PTPRD: variants seen among roughly 807,000 people sequenced by gnomAD.
The protein encoded by PTPRD is receptor-type tyrosine-protein phosphatase delta.
In PTPRD, 34 loss-of-function variants were observed where a neutral mutation model predicts 214.5. The observed-to-expected ratio is 0.16, with a 90% confidence interval of 0.12 to 0.21. The LOEUF (loss-of-function observed/expected upper bound fraction) is 0.21. PTPRD is among the 10% of genes least tolerant of loss of function. PTPRD has a pLI of 1.00. For synonymous variants in PTPRD, 1,128 were observed against 845.7 expected (o/e 1.33, Z -5.79); for missense variants, 2,545 against 2,398.7 (o/e 1.06, Z -1.27).
intron 12 of PTPRD, among the ~76,000 whole-genome samples, chr9:8,646,359 A>G (rs2096690987): frequency 6.6e-6 from 1 of 152,220 alleles, no homozygotes; most frequent in Non-Finnish European, 1.5e-5. Flanking sequence ...TTTCCGCTCA[A>G]AAAATAATAA....
chr9:10,601,470 C>A (rs185594191), intron 2 of PTPRD, among the ~76,000 whole-genome samples: 96 of 151,766 alleles, frequency 6.3e-4, no homozygotes, highest in Non-Finnish European at 1.8e-4. Context: ...AGCTAAATAA[C>A]TGGACTTACT....
chr9:10,378,269 C>A (rs1448978433), intron 2 of PTPRD, among the ~76,000 whole-genome samples: 1 of 151,902 alleles, frequency 6.6e-6, no homozygotes. Context: ...TGGGTTGTCT[C>A]TTTACTTTGT....
At chr9:9,123,093 T>C (rs1374256295) in intron 10 of PTPRD, among the ~76,000 whole-genome samples, 1 of 152,198 alleles carries the variant, frequency 6.6e-6, no homozygotes, top group East Asian at 1.9e-4. Flanking sequence ...GCAGGACTGC[T>C]CTGTTTGTGC....
At chr9:9,316,069 A>T (rs1962854315) in intron 9 of PTPRD, among the ~76,000 whole-genome samples, 1 of 151,968 alleles carries the variant, frequency 6.6e-6, no homozygotes, top group South Asian at 2.1e-4. Context: ...ATAGAATCCT[A>T]AAGAAAACTC....
chr9:8,524,021 C>T (rs573178248), intron 18 of PTPRD, among the ~76,000 whole-genome samples: 8 of 152,032 alleles, frequency 5.3e-5, no homozygotes, highest in African/African-American at 1.9e-4. Flanking sequence ...CCACCCCCAC[C>T]CATGCCTTTG....
intron 9 of PTPRD, among the ~76,000 whole-genome samples, chr9:9,187,155 T>A (rs1315018690): frequency 6.6e-6 from 1 of 151,966 alleles, no homozygotes; most frequent in Non-Finnish European, 1.5e-5. Flanking sequence ...TTCTAAATCA[T>A]CCCTCAAAAT....
chr9:8,746,564 A>G (rs1470056648), intron 11 of PTPRD, among the ~76,000 whole-genome samples: 1 of 152,250 alleles, frequency 6.6e-6, no homozygotes, highest in Non-Finnish European at 1.5e-5. Flanking sequence ...GGGAGTTTAA[A>G]GTCATTAAAA....
At chr9:9,848,526 G>A (rs1056518809) in intron 5 of PTPRD, among the ~76,000 whole-genome samples, 6 of 152,088 alleles carry the variant, frequency 3.9e-5, no homozygotes, top group Admixed American at 2.0e-4. Flanking sequence ...TGAGAAGACT[G>A]AGACTTTAAG....
At chr9:8,818,406 T>C (rs1230270486) in intron 11 of PTPRD, among the ~76,000 whole-genome samples, 2 of 152,314 alleles carry the variant, frequency 1.3e-5, no homozygotes, top group Admixed American at 6.5e-5. Flanking sequence ...CCTTTAACAA[T>C]AATAATAGTA....
At chr9:9,801,401 T>A (rs1018608445) in intron 5 of PTPRD, among the ~76,000 whole-genome samples, 2 of 152,000 alleles carry the variant, frequency 1.3e-5, no homozygotes, top group Admixed American at 6.6e-5. Flanking sequence ...TAAACTCCAA[T>A]GGGATTTTCC....
At chr9:8,405,955 G>C (rs1356712555) in intron 35 of PTPRD, among the ~76,000 whole-genome samples, 1 of 151,092 alleles carries the variant, frequency 6.6e-6, no homozygotes, top group African/African-American at 2.5e-5. Context: ...AGTCAAGTCT[G>C]TTAGTAGTCT....
intron 35 of PTPRD, among the ~76,000 whole-genome samples, chr9:8,433,174 T>C (rs1397734840): frequency 5.3e-5 from 8 of 152,110 alleles, no homozygotes; most frequent in Non-Finnish European, 8.8e-5. Flanking sequence ...TCTGAAGAAA[T>C]TCCCATCACC....
chr9:10,254,940 C>A (rs1406972318), intron 3 of PTPRD, among the ~76,000 whole-genome samples: 1 of 152,152 alleles, frequency 6.6e-6, no homozygotes, highest in Non-Finnish European at 1.5e-5. Context: ...ATATATATTA[C>A]AATTTTTTCA....
At chr9:8,658,945 G>C (rs938757461) in intron 12 of PTPRD, among the ~76,000 whole-genome samples, 4 of 152,096 alleles carry the variant, frequency 2.6e-5, no homozygotes, top group Admixed American at 2.0e-4. Context: ...CAGCTTTAGT[G>C]CCAATTTTTA....
intron 3 of PTPRD, among the ~76,000 whole-genome samples, chr9:10,229,062 G>A (rs967424798): frequency 2.0e-5 from 3 of 151,764 alleles, no homozygotes; most frequent in Admixed American, 1.3e-4. Flanking sequence ...CAATGACTGT[G>A]ATATAAGACA....
chr9:8,331,190 T>TGATAGCTATTC (rs1840385674), intron 44 of PTPRD, among the ~76,000 whole-genome samples: 1 of 152,176 alleles, frequency 6.6e-6, no homozygotes, highest in African/African-American at 2.4e-5. Flanking sequence ...AGGATTTATT[T>TGATAGCTATTC]GATAGCTATT....
intron 5 of PTPRD, among the ~76,000 whole-genome samples, chr9:9,832,271 A>G (rs532262094): frequency 6.6e-6 from 1 of 152,178 alleles, no homozygotes; most frequent in South Asian, 2.1e-4. Context: ...ATGAAGTACC[A>G]GAAGCAAAGT....
intron 9 of PTPRD, among the ~76,000 whole-genome samples, chr9:9,332,334 G>A (rs889596051): frequency 1.3e-5 from 2 of 151,770 alleles, no homozygotes; most frequent in Non-Finnish European, 2.9e-5. Flanking sequence ...AATGCAGATA[G>A]CTTGAAAAAA....
At chr9:8,948,527 ATAT>A in intron 11 of PTPRD, among the ~76,000 whole-genome samples, 1 of 49,666 alleles carries the variant, frequency 2.0e-5, no homozygotes, top group African/African-American at 7.0e-5. Context: ...ATTTATATAT[ATAT>A]TTATATATAT....
Sources: gnomAD v4.1 joint callset for allele counts (sites outside exome capture counted in the v4.1 genomes callset) on GRCh38, gnomAD v4.1.1 for gene constraint, MANE v1.5 for transcripts, NCBI Gene and HGNC (gene_info 2026-07-23, HGNC 2026-07-21) for gene names.